Variants in SMCHD1 observed in about 807,000 individuals in gnomAD.
The protein encoded by SMCHD1 is structural maintenance of chromosomes flexible hinge domain containing 1.
A neutral mutation model predicts 254.7 loss-of-function variants in SMCHD1; 78 were observed. The ratio of observed to expected loss-of-function variants is 0.31; its 90% CI spans 0.26 to 0.37. The LOEUF is 0.37. SMCHD1 is among the 10% of genes least tolerant of loss of function. SMCHD1 has a pLI of 1.00. For synonymous variants in SMCHD1, 766 were observed against 794.9 expected (o/e 0.96, Z 0.61); for missense variants, 1,840 against 2,408.1 (o/e 0.76, Z 4.94).
At position 2,703,867 on chromosome 18, in the gene SMCHD1, T is replaced by C; in HGVS notation, c.1823T>C (p.Ile608Thr). 1 of 1,603,464 alleles carries C rather than the reference T, an allele frequency of 6.2e-7. No homozygotes were observed. Among genetic ancestry groups the C allele is most frequent in the Non-Finnish European group, 8.5e-7 (1 of 1,176,440 alleles). Reference sequence around the variant, plus strand: ...GCAGCAATAGAATGGGATGGAAAGATATACAAAGCAGGACAGCTGGTAGGT... The same window carrying C: ...GCAGCAATAGAATGGGATGGAAAGACATACAAAGCAGGACAGCTGGTAGGT... ...TYAAIEWDGKIYKAGQLVKTI... is the reference protein window; with the variant it reads ...TYAAIEWDGKTYKAGQLVKTI... The change falls in exon 13 of 48, where the codon ATA becomes ACA. Residue 608 changes from isoleucine (I) to threonine (T), a missense_variant. Coordinates refer to ENST00000320876, the MANE Select transcript of SMCHD1 (RefSeq NM_015295.3).
intron 41 of SMCHD1, among the ~76,000 whole-genome samples, chr18:2,774,173 C>T (rs536730849): frequency 6.9e-4 from 105 of 152,068 alleles, no homozygotes; most frequent in African/African-American, 2.2e-3. Context: ...ACATGCCCTT[C>T]TAAATAGGTT....
intron 3 of SMCHD1, among the ~76,000 whole-genome samples, chr18:2,670,577 A>T (rs2073566213): frequency 6.6e-6 from 1 of 152,190 alleles, no homozygotes; most frequent in Non-Finnish European, 1.5e-5. Context: ...CAGTTCCTAG[A>T]ACAATGCCTG....
At chr18:2,773,341 A>G (rs971734753) in intron 41 of SMCHD1, among the ~76,000 whole-genome samples, 1 of 152,200 alleles carries the variant, frequency 6.6e-6, no homozygotes, top group African/African-American at 2.4e-5. Flanking sequence ...CCACATTTTA[A>G]TAGTTCATCC....
intron 29 of SMCHD1, 48 bp downstream of exon 29, chr18:2,743,976 T>A (rs2075400300): frequency 2.1e-6 from 3 of 1,432,350 alleles, no homozygotes; most frequent in Middle Eastern, 1.8e-4. Context: ...TCATATGGCT[T>A]ATTACTTTCA....
intron 44 of SMCHD1, among the ~76,000 whole-genome samples, chr18:2,782,142 ACT>A (rs750426708): frequency 2.6e-5 from 4 of 152,136 alleles, no homozygotes; most frequent in East Asian, 3.8e-4. Flanking sequence ...TTATTTTAAA[ACT>A]CTTCTAAGAA....
chr18:2,736,915 A>G (rs973863126), intron 25 of SMCHD1, among the ~76,000 whole-genome samples: 1 of 152,196 alleles, frequency 6.6e-6, no homozygotes, highest in Non-Finnish European at 1.5e-5. Context: ...AAAGGAAAAT[A>G]ATACCATTTC....
chr18:2,777,183 G>T (rs1302717418), intron 42 of SMCHD1, among the ~76,000 whole-genome samples: 1 of 152,034 alleles, frequency 6.6e-6, no homozygotes, highest in African/African-American at 2.4e-5. Context: ...GTATGGATTT[G>T]ACATTTAGGG....
chr18:2,693,111 A>G (rs1435740749), intron 7 of SMCHD1, among the ~76,000 whole-genome samples: 1 of 152,250 alleles, frequency 6.6e-6, no homozygotes, highest in Non-Finnish European at 1.5e-5. Flanking sequence ...AATTTGATAG[A>G]CAAATTCTGA....
intron 17 of SMCHD1, among the ~76,000 whole-genome samples, chr18:2,710,672 A>G (rs11665331): frequency 0.29 from 44,697 of 151,842 alleles, 6,801 homozygotes; most frequent in East Asian, 0.5. Flanking sequence ...TCTTTTTCTT[A>G]CCTAATTGGT....
At chr18:2,728,394 G>A in intron 22 of SMCHD1, 63 bp from the exon 23 acceptor site, 2 of 1,453,198 alleles carry the variant, frequency 1.4e-6, no homozygotes, top group South Asian at 2.5e-5. Flanking sequence ...TATTTCTTTT[G>A]CTATTTCAGT....
At chr18:2,733,191 A>G (rs1440344124) in intron 25 of SMCHD1, among the ~76,000 whole-genome samples, 2 of 152,236 alleles carry the variant, frequency 1.3e-5, no homozygotes, top group East Asian at 1.9e-4. Flanking sequence ...TTGTTCTTCT[A>G]TAATGAGACA....
At chr18:2,689,836 G>C (rs2074133990) in intron 7 of SMCHD1, among the ~76,000 whole-genome samples, 1 of 137,866 alleles carries the variant, frequency 7.3e-6, no homozygotes, top group South Asian at 2.4e-4. Flanking sequence ...TGTAACATAG[G>C]AGACCTTGTC....
rs193170690 is a variant in SMCHD1 at position 2,679,408 on chromosome 18, G to A, written c.638+5263G>A. On this transcript the variant is annotated intron_variant, in intron 5 of 47. Coordinates refer to ENST00000320876, the MANE Select transcript of SMCHD1 (RefSeq NM_015295.3). The stretch of plus-strand genomic sequence containing the variant: ...GGAGAATGGCGTGAACCCGGGATGC[G>A]GAGCTTGCAGTGAGCCGAGATGGTG... Among the ~76,000 whole-genome samples the A allele has an allele frequency of 7.8e-4, 113 of 145,098 alleles. No homozygotes were observed. The East Asian group carries it at 0.021, about 27-fold the overall frequency.
At chr18:2,751,224 C>A (rs1598403887) in intron 32 of SMCHD1, 54 bp from the exon 33 acceptor site, 1 of 932,254 alleles carries the variant, frequency 1.1e-6, no homozygotes, top group African/African-American at 1.7e-5. Flanking sequence ...ATTATTTAAC[C>A]ATATCCATTA....
chr18:2,723,136 C>G (rs1298288584), intron 20 of SMCHD1, among the ~76,000 whole-genome samples: 1 of 152,144 alleles, frequency 6.6e-6, no homozygotes. Context: ...TACTACCTTT[C>G]CATTGAATTT....
intron 8 of SMCHD1, among the ~76,000 whole-genome samples, chr18:2,695,949 A>G (rs2074276885): frequency 1.3e-5 from 2 of 152,134 alleles, no homozygotes; most frequent in South Asian, 2.1e-4. Context: ...TTTATTAGCT[A>G]TTTTATAGTT....
At chr18:2,681,453 C>T (rs1326733209) in intron 5 of SMCHD1, among the ~76,000 whole-genome samples, 1 of 148,104 alleles carries the variant, frequency 6.8e-6, no homozygotes, top group Non-Finnish European at 1.5e-5. Flanking sequence ...GGTGTTGTGG[C>T]TTGCACCTTT....
chr18:2,731,239 ATGAGT>A (rs2075133433), intron 24 of SMCHD1, among the ~76,000 whole-genome samples: 1 of 152,266 alleles, frequency 6.6e-6, no homozygotes, highest in Non-Finnish European at 1.5e-5. Context: ...GGAAGGAGAC[ATGAGT>A]TAAGTAAGAT....
At chr18:2,716,723 T>C (rs1236441652) in intron 17 of SMCHD1, among the ~76,000 whole-genome samples, 2 of 152,162 alleles carry the variant, frequency 1.3e-5, no homozygotes, top group Admixed American at 1.3e-4. Flanking sequence ...TCGCTAGGGC[T>C]CCACAACCTG....
Sources: gnomAD v4.1 joint callset for allele counts (sites outside exome capture counted in the v4.1 genomes callset) on GRCh38, gnomAD v4.1.1 for gene constraint, MANE v1.5 for transcripts, NCBI Gene and HGNC (gene_info 2026-07-23, HGNC 2026-07-21) for gene names.